ZFHX3: variants seen among roughly 807,000 people sequenced by gnomAD.
ZFHX3 encodes the protein zinc finger homeobox 3.
Under a neutral mutation model 279.1 loss-of-function variants are expected in ZFHX3, and 42 were observed. The observed-to-expected ratio is 0.15, with a 90% CI of 0.12 to 0.19. The LOEUF (loss-of-function observed/expected upper bound fraction) is 0.19, where lower values mean the gene tolerates loss of function less well. ZFHX3 is among the 10% of genes least tolerant of loss of function. The probability of loss-of-function intolerance (pLI) is 1.00; values close to 1 mark genes in which losing one functional copy is unlikely to be tolerated. For synonymous variants in ZFHX3, 2,293 were observed against 1,957.8 expected, an observed-to-expected ratio of 1.17 and a Z score of -4.52; for missense variants, 4,981 against 4,754.0, an observed-to-expected ratio of 1.05 and a Z score of -1.40.
intron 1 of ZFHX3, among the ~76,000 whole-genome samples, chr16:73,825,278 G>A (rs1245822881): frequency 3.2e-5 from 1 of 30,866 alleles, no homozygotes; most frequent in Non-Finnish European, 5.2e-5. Context: ...ATTTGTTTGA[G>A]TTCATTGTAG....
At chr16:73,072,478 T>C (rs776105935) in intron 8 of ZFHX3, among the ~76,000 whole-genome samples, 12 of 148,658 alleles carry the variant, frequency 8.1e-5, no homozygotes, top group Non-Finnish European at 1.2e-4. Context: ...ATCAAAAATA[T>C]AGGATCCTAT....
At chr16:73,274,573 C>G (rs2014241241) in intron 4 of ZFHX3, among the ~76,000 whole-genome samples, 1 of 152,208 alleles carries the variant, frequency 6.6e-6, no homozygotes, top group African/African-American at 2.4e-5. Context: ...AGGTGTTCCA[C>G]ACTATTTATT....
At chr16:73,687,346 G>C (rs1055830377) in intron 1 of ZFHX3, among the ~76,000 whole-genome samples, 8 of 150,298 alleles carry the variant, frequency 5.3e-5, no homozygotes, top group African/African-American at 2.0e-4. Flanking sequence ...GAGCACCACC[G>C]CACACCAGCC....
At chr16:73,341,314 C>T (rs945302729) in intron 3 of ZFHX3, among the ~76,000 whole-genome samples, 5 of 152,058 alleles carry the variant, frequency 3.3e-5, no homozygotes, top group African/African-American at 1.2e-4. Flanking sequence ...GTACTCCAGC[C>T]TGCGTGACAG....
chr16:72,989,904 A>G (rs538429801), intron 1 of ZFHX3, among the ~76,000 whole-genome samples: 1 of 152,340 alleles, frequency 6.6e-6, no homozygotes, highest in Admixed American at 6.5e-5. Flanking sequence ...AGTTTTGTCA[A>G]GTATGTTTCA....
chr16:73,268,309 G>A (rs1034500569), intron 4 of ZFHX3, among the ~76,000 whole-genome samples: 2 of 152,166 alleles, frequency 1.3e-5, no homozygotes, highest in African/African-American at 2.4e-5. Context: ...TTTAGAATGT[G>A]GTGCACTATT....
chr16:73,028,561 A>C (rs1964590803), intron 1 of ZFHX3, among the ~76,000 whole-genome samples: 1 of 152,192 alleles, frequency 6.6e-6, no homozygotes, highest in East Asian at 1.9e-4. Flanking sequence ...GGGTGGGGAG[A>C]GCCCCAAAGC....
At chr16:73,607,335 T>A (rs2052200007) in intron 2 of ZFHX3, among the ~76,000 whole-genome samples, 1 of 152,206 alleles carries the variant, frequency 6.6e-6, no homozygotes, top group African/African-American at 2.4e-5. Flanking sequence ...CCGATCTCAT[T>A]CCTTTTTGAG....
Position 73,396,434 on chromosome 16 carries a change from C to T in ZFHX3, c.-1291+59569G>A, listed in dbSNP as rs574540527. On this transcript the variant is annotated intron_variant, in intron 3 of 17. Transcript: ENST00000641206. The stretch of plus-strand genomic sequence containing the variant: ...ACTAGAAGACTCATTTATTTTTTTT[C>T]ATTCATTCATTCAACACATACTAAG... Among the ~76,000 whole-genome samples the T allele has an allele frequency of 1.3e-4, 18 of 139,632 alleles. 1 individual carries two copies. In the East Asian group the frequency reaches 3.3e-3, roughly 25 times the overall value. The allele number at this position is 139,632 out of a possible 152,430, so 91.6% of individuals were successfully genotyped here.
At chr16:73,260,279 T>A (rs1373251673) in intron 4 of ZFHX3, among the ~76,000 whole-genome samples, 1 of 152,198 alleles carries the variant, frequency 6.6e-6, no homozygotes, top group Non-Finnish European at 1.5e-5. Flanking sequence ...GCCATTTCGA[T>A]TGCTTGGTTA....
At chr16:73,427,589 G>A (rs537887063) in intron 3 of ZFHX3, among the ~76,000 whole-genome samples, 15 of 152,196 alleles carry the variant, frequency 9.9e-5, no homozygotes, top group Admixed American at 9.8e-4. Context: ...CCTGCACGTT[G>A]GTGGTACAAA....
chr16:72,830,904 T>A (rs1296359326), intron 4 of ZFHX3, among the ~76,000 whole-genome samples: 1 of 152,184 alleles, frequency 6.6e-6, no homozygotes, highest in Non-Finnish European at 1.5e-5. Flanking sequence ...TACACAGGCG[T>A]GAGGGCAAGG....
chr16:73,012,355 G>A (rs563322030), intron 1 of ZFHX3, among the ~76,000 whole-genome samples: 1 of 152,340 alleles, frequency 6.6e-6, no homozygotes, highest in South Asian at 2.1e-4. Flanking sequence ...TACTGCACAT[G>A]ACAGTTTATT....
At chr16:73,436,231 G>C (rs907914871) in intron 3 of ZFHX3, among the ~76,000 whole-genome samples, 12 of 152,284 alleles carry the variant, frequency 7.9e-5, no homozygotes, top group Non-Finnish European at 1.3e-4. Context: ...TGAGGCAGGA[G>C]AATCGCTTGA....
intron 3 of ZFHX3, among the ~76,000 whole-genome samples, chr16:73,434,431 C>T (rs1484952954): frequency 6.6e-6 from 1 of 152,200 alleles, no homozygotes; most frequent in Admixed American, 6.5e-5. Flanking sequence ...CAGGCTAGGG[C>T]TACCCTGCCC....
At chr16:73,128,783 A>G (rs1966617887) in intron 7 of ZFHX3, among the ~76,000 whole-genome samples, 1 of 152,234 alleles carries the variant, frequency 6.6e-6, no homozygotes, top group Non-Finnish European at 1.5e-5. Flanking sequence ...CTGAAAGTCC[A>G]GATCAATTCC....
intron 3 of ZFHX3, among the ~76,000 whole-genome samples, chr16:73,437,075 T>TAGGA (rs2018011522): frequency 6.6e-6 from 1 of 152,188 alleles, no homozygotes; most frequent in South Asian, 2.1e-4. Context: ...CTCTGATGTG[T>TAGGA]AGGAAGCACA....
At chr16:73,516,529 G>A (rs182136149) in intron 2 of ZFHX3, among the ~76,000 whole-genome samples, 125 of 152,190 alleles carry the variant, frequency 8.2e-4, no homozygotes, top group Non-Finnish European at 1.4e-3. Flanking sequence ...TTCCAGTATC[G>A]CCTCATTGGA....
At chr16:73,244,360 C>T (rs1234971002) in intron 5 of ZFHX3, among the ~76,000 whole-genome samples, 2 of 152,132 alleles carry the variant, frequency 1.3e-5, no homozygotes, top group Non-Finnish European at 2.9e-5. Flanking sequence ...CTTCTCTCCT[C>T]CATCCTCCAA....
Sources: gnomAD v4.1 joint callset for allele counts (sites outside exome capture counted in the v4.1 genomes callset) on GRCh38, gnomAD v4.1.1 for gene constraint, MANE v1.5 for transcripts, NCBI Gene and HGNC (gene_info 2026-07-23, HGNC 2026-07-21) for gene names.